TNIK: variants seen among roughly 807,000 people sequenced by gnomAD.
The protein encoded by TNIK is TRAF2 and NCK interacting kinase.
TNIK carries 49 observed loss-of-function variants against 191.3 expected under a neutral mutation model. The ratio of observed to expected loss-of-function variants is 0.26; its 90% CI spans 0.20 to 0.32. The LOEUF is 0.32. Among genes scored for constraint, TNIK ranks in the 10% least tolerant of loss-of-function variants. The pLI, the probability that TNIK is intolerant of heterozygous loss-of-function variation, is 1.00. For synonymous variants in TNIK, 594 were observed against 600.9 expected, an observed-to-expected ratio of 0.99 and a Z score of 0.17; for missense variants, 1,155 against 1,702.3, an observed-to-expected ratio of 0.68 and a Z score of 5.66.
At chr3:171,259,163 T>G (rs1254460291) in intron 2 of TNIK, among the ~76,000 whole-genome samples, 1 of 152,102 alleles carries the variant, frequency 6.6e-6, no homozygotes, top group Non-Finnish European at 1.5e-5. Flanking sequence ...TGGCACATAG[T>G]GTGTACTTTA....
intron 8 of TNIK, among the ~76,000 whole-genome samples, chr3:171,176,002 A>G (rs180733722): frequency 7.4e-4 from 113 of 152,366 alleles, no homozygotes; most frequent in African/African-American, 2.7e-3. Flanking sequence ...ACATGACATT[A>G]TCGTTTATAG....
intron 2 of TNIK, among the ~76,000 whole-genome samples, chr3:171,260,534 G>A (rs1261717282): frequency 1.3e-5 from 2 of 152,182 alleles, no homozygotes; most frequent in Admixed American, 6.5e-5. Context: ...GGGGTGGATG[G>A]AGAGAGTGAC....
intron 9 of TNIK, among the ~76,000 whole-genome samples, chr3:171,173,459 C>T (rs1735593853): frequency 6.6e-6 from 1 of 151,800 alleles, no homozygotes; most frequent in Non-Finnish European, 1.5e-5. Flanking sequence ...CAACTGACAC[C>T]AGCTTCTGAG....
At position 171,250,520 on chromosome 3, in the gene TNIK, C is replaced by T. The variant is rs527510603; in HGVS notation, c.124-22299G>A. On this transcript the variant is annotated intron_variant, in intron 2 of 32. Transcript: ENST00000436636. ...GAAGAATATTAGAGACATTCATGTC[C>T]ACTGATATTAACCCCTTCCATCCTA... Among the ~76,000 whole-genome samples the T allele has an allele frequency of 5.9e-5, 9 of 152,268 alleles. No homozygotes were observed. In the South Asian group the frequency reaches 1.7e-3, roughly 28 times the overall value.
intron 3 of TNIK, among the ~76,000 whole-genome samples, chr3:171,227,782 A>G (rs1209050899): frequency 2.0e-5 from 3 of 152,178 alleles, no homozygotes; most frequent in Non-Finnish European, 2.9e-5. Flanking sequence ...CTCATTTACA[A>G]TGGTTCAACT....
In TNIK at chr3:171,253,575, A is replaced by C. The variant is rs192036598; in HGVS notation, c.124-25354T>G. Among the ~76,000 whole-genome samples, 1,468 of 151,318 alleles carry C rather than the reference A, an allele frequency of 9.7e-3. 30 individuals are homozygous for C. The highest frequency in any genetic ancestry group is 0.034 in the African/African-American group (1,400 of 41,172). On this transcript the variant is annotated intron_variant, in intron 2 of 32. Transcript: ENST00000436636. ...TCTGCCTGAAAAAAAAAAGAAAAGA[A>C]ATCAGAAGACAGGTCCCCCCCCCAC...
At chr3:171,446,254 T>C (rs972319683) in intron 1 of TNIK, among the ~76,000 whole-genome samples, 3 of 152,242 alleles carry the variant, frequency 2.0e-5, no homozygotes, top group Admixed American at 6.5e-5. Flanking sequence ...ACTTTGAAGA[T>C]ATAAAGTGCT....
At chr3:171,243,942 G>A (rs989676141) in intron 2 of TNIK, among the ~76,000 whole-genome samples, 5 of 151,992 alleles carry the variant, frequency 3.3e-5, no homozygotes, top group African/African-American at 1.2e-4. Context: ...AAGAACCATC[G>A]ATGTTAGATC....
intron 2 of TNIK, among the ~76,000 whole-genome samples, chr3:171,344,877 C>T (rs1711911489): frequency 6.6e-6 from 1 of 152,082 alleles, no homozygotes; most frequent in Non-Finnish European, 1.5e-5. Context: ...ATATTTGCAA[C>T]ACAGTTCTCA....
intron 1 of TNIK, among the ~76,000 whole-genome samples, chr3:171,411,698 A>G (rs572195874): frequency 6.6e-6 from 1 of 152,210 alleles, no homozygotes; most frequent in African/African-American, 2.4e-5. Context: ...GGTTATTTTA[A>G]ATCAGGATGA....
Position 171,066,219 on chromosome 3 carries a change from T to C in TNIK, c.3967A>G (p.Arg1323Gly), listed in dbSNP as rs1385096821. The C allele has an allele frequency of 1.1e-5, 17 of 1,613,750 alleles. No homozygotes were observed. The highest frequency in any genetic ancestry group is 1.4e-5 in the Non-Finnish European group (16 of 1,179,888). ...TTTCTTTCACATAGAAACTTTAACC[T>C]TTGAGCTCGCTTATGCATAAATACT... is the stretch of plus-strand genomic sequence containing the variant. ...DGVFMHKRAQ[R>G]LKFLCERNDK... The change falls in exon 32 of 33, where the codon AGG (arginine) becomes GGG (glycine). Residue 1323 changes from arginine (R) to glycine (G), a missense_variant. Arg to Gly is a moderately radical substitution (Grantham distance 125). Around this residue, in one of 3 missense-constraint regions of TNIK, gnomAD observed 195 missense variants for 415.4 expected, o/e 0.47. Coordinates refer to ENST00000436636, the MANE Select transcript of TNIK (RefSeq NM_015028.4).
chr3:171,141,706 T>C (rs1730865535), intron 12 of TNIK, among the ~76,000 whole-genome samples: 1 of 152,242 alleles, frequency 6.6e-6, no homozygotes, highest in South Asian at 2.1e-4. Flanking sequence ...TCTTTTCCCA[T>C]ACATCATGGC....
chr3:171,369,275 A>C (rs1402929144), intron 2 of TNIK, among the ~76,000 whole-genome samples: 1 of 152,164 alleles, frequency 6.6e-6, no homozygotes, highest in Non-Finnish European at 1.5e-5. Flanking sequence ...TAATAGCTTA[A>C]ATTTCTGAAG....
chr3:171,093,772 G>A (rs547432301), intron 23 of TNIK, 67 bp downstream of exon 23: 306 of 1,587,220 alleles, frequency 1.9e-4, no homozygotes, highest in Middle Eastern at 5.1e-4. Flanking sequence ...CATTCTCTGT[G>A]AAAGCTTTAA....
intron 1 of TNIK, among the ~76,000 whole-genome samples, chr3:171,393,579 A>C (rs1719847682): frequency 6.6e-6 from 1 of 152,210 alleles, no homozygotes; most frequent in Non-Finnish European, 1.5e-5. Flanking sequence ...TAGGCCTGAA[A>C]TCCAAAGGGA....
At chr3:171,067,145 T>G (rs1228172904) in intron 30 of TNIK, among the ~76,000 whole-genome samples, 1 of 152,210 alleles carries the variant, frequency 6.6e-6, no homozygotes, top group African/African-American at 2.4e-5. Context: ...GTGTATATCT[T>G]GCTGACGTTG....
chr3:171,075,199 A>G (rs975513447), intron 28 of TNIK, among the ~76,000 whole-genome samples: 9 of 152,242 alleles, frequency 5.9e-5, no homozygotes, highest in African/African-American at 2.2e-4. Context: ...TTTGATCACT[A>G]GAAATCTTTG....
At chr3:171,084,374 T>TA in intron 25 of TNIK, 49 bp from the exon 26 acceptor site, 1 of 1,574,836 alleles carries the variant, frequency 6.3e-7, no homozygotes, top group Non-Finnish European at 8.7e-7. Context: ...AAAGATAACT[T>TA]ATGGAGATGG....
At chr3:171,281,653 AC>A (rs1750438052) in intron 2 of TNIK, among the ~76,000 whole-genome samples, 1 of 151,768 alleles carries the variant, frequency 6.6e-6, no homozygotes, top group Non-Finnish European at 1.5e-5. Flanking sequence ...AACAGTTAAC[AC>A]TAAACCGTAC....
Sources: allele counts gnomAD v4.1 joint callset (sites outside exome capture counted in the v4.1 genomes callset), GRCh38; gene constraint gnomAD v4.1.1; regional missense constraint gnomAD v4.1.1; transcripts MANE v1.5; gene names NCBI Gene and HGNC (gene_info 2026-07-23, HGNC 2026-07-21).